Variants in SMARCA2 observed in about 807,000 individuals in gnomAD.
SMARCA2 encodes SWI/SNF related BAF chromatin remodeling complex subunit ATPase 2, also known as SWI/SNF-related matrix-associated actin-dependent regulator of chromatin subfamily A member 2.
SMARCA2 carries 61 observed loss-of-function variants against 199.8 expected under a neutral mutation model. That is an observed-to-expected ratio of 0.31 (90% confidence interval 0.25 to 0.38). SMARCA2 has a LOEUF of 0.38. Ranked by LOEUF, SMARCA2 falls within the 10% of genes least tolerant of loss-of-function variation. SMARCA2 has a pLI of 1.00. For synonymous variants in SMARCA2, 935 were observed against 732.0 expected, an observed-to-expected ratio of 1.28 and a Z score of -4.48; for missense variants, 1,344 against 2,012.2, an observed-to-expected ratio of 0.67 and a Z score of 6.35.
chr9:2,153,241 A>T (rs1276107325), intron 27 of SMARCA2, among the ~76,000 whole-genome samples: 4 of 152,228 alleles, frequency 2.6e-5, no homozygotes, highest in Non-Finnish European at 5.9e-5. Flanking sequence ...GCACTGTTCA[A>T]AGTGCCCTCG....
At chr9:2,097,669 C>G (rs1269964392) in intron 21 of SMARCA2, among the ~76,000 whole-genome samples, 198 bp downstream of exon 21, 1 of 152,062 alleles carries the variant, frequency 6.6e-6, no homozygotes, top group Non-Finnish European at 1.5e-5. Context: ...TCATTGGCAC[C>G]AAGCATTTGA....
Position 2,047,417 on chromosome 9 carries a change from C to T in SMARCA2, c.979C>T (p.Arg327Cys), listed in dbSNP as rs200539576. The T allele has an allele frequency of 6.3e-7, 1 of 1,588,606 alleles. No individual in the cohort carries two copies. Among genetic ancestry groups the T allele is most frequent in the Non-Finnish European group, 8.6e-7 (1 of 1,168,774 alleles). The part of the protein sequence containing the change: ...PVLQLQQKQS[R>C]ISPIQKPQGL... ...CCTCCAGCTGCAGCAGAAGCAGAGC[C>T]GCATCAGCCCCATCCAGAAACCGCA... Residue 327 changes from arginine (R) to cysteine (C), a missense_variant, in exon 5 of 34, where the codon CGC (arginine) becomes TGC (cysteine). This residue lies in a region of SMARCA2 where 155 missense variants were observed against 260.0 expected (regional missense o/e 0.60). Transcript: ENST00000349721.
At position 2,123,948 on chromosome 9, in the gene SMARCA2, C is replaced by A. The variant is rs1231425120; in HGVS notation, c.3981+11C>A. ...AAGCAGTGGCTAAGGGTAAGCCTAG[C>A]TTTTCTAACCCGCTCTCACTAGGTG... On this transcript the variant is annotated intron_variant, in intron 27 of 33. Coordinates refer to ENST00000349721, the MANE Select transcript of SMARCA2 (RefSeq NM_003070.5). The surrounding 1 kb of genome is among the most constrained non-coding windows in gnomAD (Gnocchi z 4.1). 6.4e-7 allele frequency: 1 copy of A among 1,550,710 alleles called. No homozygotes were observed. The highest frequency in any genetic ancestry group is 8.7e-7 in the Non-Finnish European group (1 of 1,145,588).
intron 29 of SMARCA2, among the ~76,000 whole-genome samples, chr9:2,172,090 T>C (rs556135332): frequency 6.6e-6 from 1 of 152,332 alleles, no homozygotes; most frequent in African/African-American, 2.4e-5. Flanking sequence ...TTGCTGTCTG[T>C]CACACACACT....
intron 9 of SMARCA2, among the ~76,000 whole-genome samples, chr9:2,064,618 G>A (rs1346799622): frequency 6.6e-6 from 1 of 152,106 alleles, no homozygotes; most frequent in African/African-American, 2.4e-5. Flanking sequence ...GAAATCAGTT[G>A]AATATTAGTG....
intron 27 of SMARCA2, among the ~76,000 whole-genome samples, chr9:2,143,232 T>C (rs1450854373): frequency 1.3e-5 from 2 of 152,148 alleles, no homozygotes; most frequent in African/African-American, 4.8e-5. Context: ...ATACGAAGGC[T>C]TGGAAATACG....
Position 2,073,287 on chromosome 9 carries a change from G to T in SMARCA2, c.1822G>T (p.Gly608Ter). Residue 608 changes from glycine (G) to a stop codon, truncating the protein, a stop_gained, in exon 11 of 34, where the codon GGA becomes TGA. Transcript: ENST00000349721. LOFTEE classifies it high-confidence loss of function. Reference protein sequence around the residue: ...THTETGKVLFGPEAPKASQLD... With the variant: ...THTETGKVLF ...CACAGAAACCGGCAAGGTTCTGTTC[G>T]GACCAGAAGCACCCAAAGCAAGTCA... The T allele has an allele frequency of 6.2e-7, 1 of 1,614,170 alleles. No homozygotes were observed. Among genetic ancestry groups the T allele is most frequent in the Non-Finnish European group, 8.5e-7 (1 of 1,180,030 alleles).
chr9:2,110,497 C>T lies in SMARCA2; in HGVS notation c.3456+80C>T. 4.3e-6 allele frequency: 5 copies of T among 1,162,824 alleles called. No homozygotes were observed. In the South Asian group the frequency reaches 6.9e-5, roughly 16 times the overall value. The allele number at this position is 1,162,824 out of a possible 1,614,324, so 72.0% of individuals were successfully genotyped here. The stretch of plus-strand genomic sequence containing the variant: ...TGATCAGTTTCATTATTCACATTTA[C>T]AGGACAGAGCAAATATCTAAACGAG... On this transcript the variant is annotated intron_variant, in intron 24 of 33. Transcript: ENST00000349721. This position sits in a 1 kb window ranked among gnomAD's most constrained non-coding sequence, Gnocchi z 4.8.
intron 24 of SMARCA2, among the ~76,000 whole-genome samples, chr9:2,113,064 G>C (rs1276403834): frequency 6.6e-6 from 1 of 152,194 alleles, no homozygotes; most frequent in Non-Finnish European, 1.5e-5. Context: ...TGAAAATTGT[G>C]AAGGTCTTTG....
At chr9:2,192,538 C>T (rs1827956285) in intron 33 of SMARCA2, 166 bp from the exon 34 acceptor site, 2 of 668,794 alleles carry the variant, frequency 3.0e-6, no homozygotes, top group Non-Finnish European at 2.7e-6. Flanking sequence ...AGCTTAGAGA[C>T]TGTCGATGCC....
chr9:2,186,093 T>C lies in SMARCA2; in HGVS notation c.4462-3T>C. On this transcript the variant is annotated splice_region_variant and splice_polypyrimidine_tract_variant and intron_variant, in intron 31 of 33. Transcript: ENST00000349721. ...TTTAACAGATGCCCCTTTGACCATT[T>C]AGATCTATGAAGACTCCATCGTCTT... The C allele has an allele frequency of 6.2e-7, 1 of 1,613,776 alleles. No homozygotes were observed. The highest frequency in any genetic ancestry group is 1.1e-5 in the South Asian group (1 of 91,038).
intron 28 of SMARCA2, among the ~76,000 whole-genome samples, chr9:2,165,759 G>A (rs1023468938): frequency 2.0e-5 from 3 of 152,152 alleles, no homozygotes; most frequent in South Asian, 2.1e-4. Flanking sequence ...AGAGTTAGAC[G>A]GTAAAGAGTA....
intron 19 of SMARCA2, among the ~76,000 whole-genome samples, chr9:2,092,444 T>G (rs1260625930): frequency 6.6e-6 from 1 of 152,226 alleles, no homozygotes; most frequent in Non-Finnish European, 1.5e-5. Flanking sequence ...AGACTTTTCA[T>G]AAATTGAATC....
chr9:2,112,391 C>T (rs1304489963), intron 24 of SMARCA2, among the ~76,000 whole-genome samples: 1 of 152,094 alleles, frequency 6.6e-6, no homozygotes, highest in Non-Finnish European at 1.5e-5. Context: ...AGTATAAATC[C>T]TAAAAGCCAC....
intron 29 of SMARCA2, among the ~76,000 whole-genome samples, chr9:2,176,054 T>C (rs1028978586): frequency 1.3e-5 from 2 of 152,050 alleles, no homozygotes; most frequent in Non-Finnish European, 2.9e-5. Context: ...CTAATTTTTT[T>C]ATTTTTGGTA....
intron 27 of SMARCA2, chr9:2,158,160 CAAAA>C (rs532618380): frequency 0.069 from 6,073 of 87,806 alleles, 314 homozygotes; most frequent in African/African-American, 0.17. Flanking sequence ...GAAAGAGGGC[CAAAA>C]AAAAAAAAAA....
intron 12 of SMARCA2, among the ~76,000 whole-genome samples, chr9:2,074,564 TAATCATTAAA>T (rs2130432070): frequency 6.6e-6 from 1 of 152,314 alleles, no homozygotes; most frequent in Admixed American, 6.5e-5. Context: ...CAAAAAAGCA[TAATCATTAAA>T]AAGCAAACAT....
chr9:2,103,643 C>CGT (rs540863457), intron 22 of SMARCA2, among the ~76,000 whole-genome samples: 17,139 of 143,372 alleles, frequency 0.12, 1,050 homozygotes, highest in Middle Eastern at 0.18. Flanking sequence ...TGTGTGTGTA[C>CGT]GTGTGTGTGT....
intron 27 of SMARCA2, among the ~76,000 whole-genome samples, chr9:2,155,498 G>A (rs1225639666): frequency 6.6e-6 from 1 of 152,056 alleles, no homozygotes; most frequent in Non-Finnish European, 1.5e-5. Context: ...GGCCAGGCTG[G>A]TCTCGAACTC....
Sources: allele counts gnomAD v4.1 joint callset (sites outside exome capture counted in the v4.1 genomes callset), GRCh38; gene constraint gnomAD v4.1.1; regional missense constraint gnomAD v4.1.1; non-coding constraint Gnocchi (gnomAD v3.1); transcripts MANE v1.5; gene names NCBI Gene and HGNC (gene_info 2026-07-23, HGNC 2026-07-21).